SDK1: variants seen among roughly 807,000 people sequenced by gnomAD.
SDK1 encodes sidekick cell adhesion molecule 1, also known as protein sidekick-1.
A neutral mutation model predicts 245.5 loss-of-function variants in SDK1; 157 were observed. That is an observed-to-expected ratio of 0.64 (90% CI 0.56 to 0.73). SDK1 has a LOEUF of 0.73. SDK1 is among the 30% of genes least tolerant of loss of function. The pLI, the probability that SDK1 is intolerant of heterozygous loss-of-function variation, is 0.00. For missense variants in SDK1, 3,583 were observed against 3,002.3 expected (o/e 1.19, Z -4.52); for synonymous variants, 1,647 against 1,278.5 (o/e 1.29, Z -6.15).
intron 1 of SDK1, among the ~76,000 whole-genome samples, chr7:3,600,314 G>A (rs773082973): frequency 1.3e-5 from 2 of 152,174 alleles, no homozygotes; most frequent in Non-Finnish European, 2.9e-5. Flanking sequence ...GGCTGTGTGA[G>A]TGTGAGTGTT....
chr7:3,472,837 T>C lies in SDK1; in HGVS notation c.299-146243T>C, dbSNP rs552902344. Among the ~76,000 whole-genome samples the C allele has an allele frequency of 4.2e-3, 647 of 152,316 alleles. 7 individuals carry two copies. Among genetic ancestry groups the C allele is most frequent in the South Asian group, 0.018 (86 of 4,826 alleles). On this transcript the variant is annotated intron_variant, in intron 1 of 44. Transcript: ENST00000404826. ...AAGTTGCTTGCCGTAGTTTTAGGTC[T>C]GGCTTACAGTACCAGCATGAGAACA...
intron 1 of SDK1, among the ~76,000 whole-genome samples, chr7:3,553,863 G>A (rs1344380949): frequency 1.3e-5 from 2 of 152,136 alleles, no homozygotes; most frequent in Non-Finnish European, 2.9e-5. Flanking sequence ...CTGGGCATTA[G>A]GCCTGGGGAA....
intron 28 of SDK1, among the ~76,000 whole-genome samples, chr7:4,137,980 G>A (rs551489376): frequency 3.9e-4 from 59 of 152,332 alleles, no homozygotes; most frequent in African/African-American, 1.3e-3. Context: ...TTTTAAACGT[G>A]TCAAGGTGAG....
Position 4,028,870 on chromosome 7 carries a change from G to A in SDK1, c.2602+11518G>A, listed in dbSNP as rs1787568534. ...CGGAAAACCCATTGGAAGATGAGGA[G>A]TGGAGAGGAAATACTTGGACGGAGC... On this transcript the variant is annotated intron_variant, in intron 17 of 44. Coordinates refer to ENST00000404826, the MANE Select transcript of SDK1 (RefSeq NM_152744.4). 1.3e-5 allele frequency among the ~76,000 whole-genome samples: 2 copies of A among 152,218 alleles called. 1 individual carries two copies. The highest frequency in any genetic ancestry group is 4.1e-4 in the South Asian group (2 of 4,828).
chr7:3,847,223 C>T (rs187776289), intron 5 of SDK1, among the ~76,000 whole-genome samples: 29 of 152,202 alleles, frequency 1.9e-4, no homozygotes, highest in Middle Eastern at 6.8e-3. Context: ...TGTCTAGATG[C>T]CCCATGGACT....
intron 7 of SDK1, among the ~76,000 whole-genome samples, chr7:3,958,569 C>T (rs974628317): frequency 1.2e-4 from 19 of 152,196 alleles, no homozygotes; most frequent in African/African-American, 3.6e-4. Flanking sequence ...ACAAGCTTCA[C>T]GAGCTCGTGT....
In SDK1 at chr7:3,358,615, G is replaced by A. The variant is rs529064597; in HGVS notation, c.298+56731G>A. Among the ~76,000 whole-genome samples, 106 of 152,292 alleles carry A rather than the reference G, an allele frequency of 7.0e-4. 1 individual carries two copies. Among genetic ancestry groups the A allele is most frequent in the African/African-American group, 2.6e-3 (106 of 41,566 alleles). ...TCTGTAAAGACAATCTCAGAATTAA[G>A]TGCTTTCAGGAATTACTATGCAGCT... On this transcript the variant is annotated intron_variant, in intron 1 of 44. Coordinates refer to ENST00000404826, the MANE Select transcript of SDK1 (RefSeq NM_152744.4).
chr7:3,631,507 G>A (rs765076996), intron 2 of SDK1, among the ~76,000 whole-genome samples: 18 of 152,200 alleles, frequency 1.2e-4, no homozygotes, highest in Non-Finnish European at 2.4e-4. Context: ...TCTATGAATT[G>A]CCTAGCTTTC....
At chr7:3,681,213 T>G (rs566918281) in intron 4 of SDK1, among the ~76,000 whole-genome samples, 1 of 152,328 alleles carries the variant, frequency 6.6e-6, no homozygotes, top group South Asian at 2.1e-4. Context: ...TTTTTTGACT[T>G]TATGTAAATG....
intron 4 of SDK1, among the ~76,000 whole-genome samples, chr7:3,746,230 T>A (rs1357928571): frequency 6.6e-6 from 1 of 152,170 alleles, no homozygotes; most frequent in African/African-American, 2.4e-5. Context: ...TGTCTAAAAA[T>A]TTACATACCT....
intron 1 of SDK1, among the ~76,000 whole-genome samples, chr7:3,572,976 G>C (rs146715145): frequency 1.5e-4 from 23 of 152,098 alleles, no homozygotes; most frequent in African/African-American, 5.1e-4. Flanking sequence ...GTTGCAGGCA[G>C]ACGGAGCATC....
intron 5 of SDK1, among the ~76,000 whole-genome samples, chr7:3,914,357 A>T (rs188665281): frequency 5.6e-4 from 86 of 152,352 alleles, no homozygotes; most frequent in African/African-American, 1.9e-3. Context: ...AAAGATTGTT[A>T]TGTCAAAAAT....
intron 4 of SDK1, among the ~76,000 whole-genome samples, chr7:3,747,710 TG>T (rs1779665904): frequency 6.6e-6 from 1 of 152,054 alleles, no homozygotes; most frequent in African/African-American, 2.4e-5. Flanking sequence ...TGTGTGTGTG[TG>T]TGTGTGTATG....
At chr7:3,415,335 T>C (rs181939589) in intron 1 of SDK1, among the ~76,000 whole-genome samples, 31 of 152,282 alleles carry the variant, frequency 2.0e-4, no homozygotes, top group Middle Eastern at 6.8e-3. Flanking sequence ...GTAATACTTA[T>C]ATAGTGGAAG....
At chr7:3,309,810 C>G (rs899532308) in intron 1 of SDK1, among the ~76,000 whole-genome samples, 2 of 152,128 alleles carry the variant, frequency 1.3e-5, no homozygotes, top group Non-Finnish European at 2.9e-5. Context: ...GGTATTTTTA[C>G]TCTATGTAGA....
chr7:3,813,247 G>A (rs1399138752), intron 4 of SDK1, among the ~76,000 whole-genome samples: 1 of 139,470 alleles, frequency 7.2e-6, no homozygotes, highest in Admixed American at 7.1e-5. Context: ...ATCTCCCAAT[G>A]CTATCCCTCC....
chr7:3,740,213 TGTCA>T (rs1196446348), intron 4 of SDK1, among the ~76,000 whole-genome samples: 36 of 152,178 alleles, frequency 2.4e-4, no homozygotes, highest in South Asian at 2.1e-4. Flanking sequence ...TCAAATTGTA[TGTCA>T]GTCTGTCATG....
At chr7:4,258,584 C>G (rs995626577) in intron 44 of SDK1, among the ~76,000 whole-genome samples, 33 of 152,240 alleles carry the variant, frequency 2.2e-4, no homozygotes, top group African/African-American at 8.0e-4. Context: ...CCACCTTTGG[C>G]TGAGAAACCA....
chr7:3,696,818 C>G (rs1005338160), intron 4 of SDK1, among the ~76,000 whole-genome samples: 6 of 151,612 alleles, frequency 4.0e-5, no homozygotes, highest in African/African-American at 9.7e-5. Context: ...TATAACAAAG[C>G]AATTCACTCT....
Sources: gnomAD v4.1 joint callset for allele counts (sites outside exome capture counted in the v4.1 genomes callset) on GRCh38, gnomAD v4.1.1 for gene constraint, MANE v1.5 for transcripts, NCBI Gene and HGNC (gene_info 2026-07-23, HGNC 2026-07-21) for gene names.